PATJ: variants seen among roughly 807,000 people sequenced by gnomAD.
PATJ encodes inaD-like protein.
Under a neutral mutation model 224.9 loss-of-function variants are expected in PATJ, and 190 were observed. That is an observed-to-expected ratio of 0.84 (90% CI 0.75 to 0.95). PATJ has a LOEUF of 0.95. Ranked by LOEUF, PATJ falls within the 40% of genes least tolerant of loss-of-function variation. The probability of loss-of-function intolerance (pLI) is 0.00; values close to 1 mark genes in which losing one functional copy is unlikely to be tolerated. For missense variants in PATJ, 2,121 were observed against 2,270.3 expected (o/e 0.93, Z 1.34); for synonymous variants, 769 against 820.3 (o/e 0.94, Z 1.07).
At chr1:61,946,182 C>G (rs1275288600) in intron 27 of PATJ, among the ~76,000 whole-genome samples, 1 of 152,108 alleles carries the variant, frequency 6.6e-6, no homozygotes, top group African/African-American at 2.4e-5. Context: ...CAAACACATT[C>G]AAAAGCTAGC....
intron 31 of PATJ, among the ~76,000 whole-genome samples, chr1:62,071,991 C>T (rs1266479651): frequency 6.6e-6 from 1 of 152,160 alleles, no homozygotes; most frequent in East Asian, 1.9e-4. Flanking sequence ...CTCCTGTTCC[C>T]TGCTTTGTCC....
intron 1 of PATJ, among the ~76,000 whole-genome samples, chr1:61,760,233 A>T (rs2148271274): frequency 6.6e-6 from 1 of 152,308 alleles, no homozygotes. Context: ...ATTCCCATTG[A>T]ATCCAGTGAA....
intron 26 of PATJ, among the ~76,000 whole-genome samples, chr1:61,916,133 T>C (rs369892683): frequency 6.6e-6 from 1 of 152,210 alleles, no homozygotes; most frequent in Non-Finnish European, 1.5e-5. Context: ...ATATATTTAT[T>C]TGACATCTTG....
rs1031979235 is a variant in PATJ at position 61,791,437 on chromosome 1, A to G, written c.1158A>G (p.Thr386=). Residue 386 remains threonine, a synonymous_variant, in exon 9 of 44, where the codon ACA becomes ACG. Transcript: ENST00000642238. The part of the protein sequence containing the change: ...LGIRIVGYVG[T]SHTGEASGIY... ...TTAGAATTGTTGGCTATGTTGGAAC[A>G]TCTCATACAGGTAAATGAATCATTT... The G allele has an allele frequency of 6.4e-7, 1 of 1,573,822 alleles. No individual in the cohort carries two copies. The highest frequency in any genetic ancestry group is 1.3e-5 in the African/African-American group (1 of 74,214).
chr1:61,963,253 T>C (rs1280165288), intron 27 of PATJ, among the ~76,000 whole-genome samples: 1 of 152,194 alleles, frequency 6.6e-6, no homozygotes, highest in African/African-American at 2.4e-5. Flanking sequence ...ATTTTGTATA[T>C]GTGTTATATA....
chr1:61,899,373 A>AT (rs1197828049), intron 22 of PATJ, among the ~76,000 whole-genome samples: 1 of 152,054 alleles, frequency 6.6e-6, no homozygotes, highest in Non-Finnish European at 1.5e-5. Context: ...TAATTCTGTG[A>AT]TTTTCTAATG....
chr1:61,783,955 G>A (rs1396568616), intron 7 of PATJ, among the ~76,000 whole-genome samples: 1 of 151,812 alleles, frequency 6.6e-6, no homozygotes, highest in Non-Finnish European at 1.5e-5. Flanking sequence ...TGTTGGCCAG[G>A]CTGGTTTGGT....
At chr1:61,901,067 A>G (rs1362268874) in intron 23 of PATJ, among the ~76,000 whole-genome samples, 2 of 152,248 alleles carry the variant, frequency 1.3e-5, no homozygotes, top group African/African-American at 4.8e-5. Flanking sequence ...TTATTGTTCT[A>G]GAAATCTATG....
intron 31 of PATJ, among the ~76,000 whole-genome samples, chr1:62,078,292 T>C (rs1658667967): frequency 6.6e-6 from 1 of 152,222 alleles, no homozygotes; most frequent in African/African-American, 2.4e-5. Flanking sequence ...TGTATGTATT[T>C]ATTTTTGGAG....
At chr1:61,928,913 T>C (rs2149293526) in intron 27 of PATJ, among the ~76,000 whole-genome samples, 1 of 152,336 alleles carries the variant, frequency 6.6e-6, no homozygotes, top group African/African-American at 2.4e-5. Context: ...TCTTCATGCA[T>C]TCAATAAATC....
intron 27 of PATJ, among the ~76,000 whole-genome samples, chr1:61,966,063 G>A (rs1047325452): frequency 6.6e-6 from 1 of 152,040 alleles, no homozygotes; most frequent in Non-Finnish European, 1.5e-5. Context: ...CACCATGCCC[G>A]GCTAATTTTT....
At position 62,073,130 on chromosome 1, in the gene PATJ, G is replaced by A. The variant is rs947580715; in HGVS notation, c.4126-6320G>A. 8 of 985,168 alleles carry A rather than the reference G, an allele frequency of 8.1e-6. No individual in the cohort carries two copies. The African/African-American group carries it at 1.0e-4, about 13-fold the overall frequency. 61.0% of individuals were successfully genotyped at this position (985,168 alleles called of 1,614,324 possible). A position where few individuals can be genotyped will look rare whatever the true frequency, so the allele number is the denominator to read the frequency against. On this transcript the variant is annotated intron_variant, in intron 31 of 43. Transcript: ENST00000642238. ...TTGTACTTTAGGTTTTGCTCTTCTG[G>A]GGTTGCGTGCGTTATAGACCGGGTT... is the stretch of plus-strand genomic sequence containing the variant.
chr1:62,120,441 GA>G (rs1315908672), intron 37 of PATJ, among the ~76,000 whole-genome samples: 5 of 152,106 alleles, frequency 3.3e-5, no homozygotes, highest in Admixed American at 6.6e-5. Context: ...TAATTTGGTA[GA>G]AAAAAATATT....
At chr1:61,797,809 CT>C (rs879929174) in intron 11 of PATJ, among the ~76,000 whole-genome samples, 251 of 146,428 alleles carry the variant, frequency 1.7e-3, no homozygotes, top group Non-Finnish European at 1.8e-3. Flanking sequence ...TTTCCTATTA[CT>C]TTTTTTTTTT....
intron 1 of PATJ, among the ~76,000 whole-genome samples, chr1:61,755,149 T>C (rs1456716343): frequency 1.3e-5 from 2 of 151,334 alleles, no homozygotes; most frequent in African/African-American, 4.9e-5. Context: ...CTACTAAAAA[T>C]ACAAAAAAAA....
intron 26 of PATJ, among the ~76,000 whole-genome samples, chr1:61,919,956 T>G (rs1674040093): frequency 6.6e-6 from 1 of 152,200 alleles, no homozygotes. Context: ...AGTTATTGAG[T>G]ACAGGTTTTT....
At chr1:61,950,421 A>T (rs567874281) in intron 27 of PATJ, among the ~76,000 whole-genome samples, 193 of 152,314 alleles carry the variant, frequency 1.3e-3, no homozygotes, top group African/African-American at 4.5e-3. Context: ...GGCCACATGT[A>T]GGCACTTCCT....
rs377489788 is a variant in PATJ at position 62,144,777 on chromosome 1, A to AAAAAATAT, written c.5272-3506_5272-3505insAAAATATA. On this transcript the variant is annotated intron_variant, in intron 41 of 43. Coordinates refer to ENST00000642238, the MANE Select transcript of PATJ (RefSeq NM_001350145.3). The stretch of plus-strand genomic sequence containing the variant: ...TAGAATGTTATTTGCAAAAAAAAAA[A>AAAAAATAT]ATATATATATATATATATAATTAGC... Among the ~76,000 whole-genome samples the AAAAAATAT allele has an allele frequency of 3.3e-3, 391 of 119,086 alleles. 4 individuals are homozygous for AAAAAATAT. The South Asian group carries it at 0.041, about 12-fold the overall frequency. 78.1% of individuals were successfully genotyped at this position (119,086 alleles called of 152,430 possible). A position where few individuals can be genotyped will look rare whatever the true frequency, so the allele number is the denominator to read the frequency against.
intron 33 of PATJ, among the ~76,000 whole-genome samples, chr1:62,099,611 A>G (rs1456564033): frequency 6.6e-6 from 1 of 152,124 alleles, no homozygotes; most frequent in Non-Finnish European, 1.5e-5. Context: ...AGTAGTGATC[A>G]AATTAAGTAA....
Sources: gnomAD v4.1 joint callset for allele counts (sites outside exome capture counted in the v4.1 genomes callset) on GRCh38, gnomAD v4.1.1 for gene constraint, MANE v1.5 for transcripts, NCBI Gene and HGNC (gene_info 2026-07-23, HGNC 2026-07-21) for gene names.